TTLL9: variants seen among roughly 807,000 people sequenced by gnomAD.
TTLL9 encodes probable tubulin polyglutamylase TTLL9.
TTLL9 carries 47 observed loss-of-function variants against 65.6 expected under a neutral mutation model. The observed-to-expected ratio is 0.72, with a 90% CI of 0.57 to 0.91. The LOEUF (loss-of-function observed/expected upper bound fraction) is 0.91. Ranked by LOEUF, TTLL9 falls within the 40% of genes least tolerant of loss-of-function variation. The pLI is 0.00. For synonymous variants in TTLL9, 179 were observed against 204.8 expected, an observed-to-expected ratio of 0.87 and a Z score of 1.07; for missense variants, 537 against 568.8, an observed-to-expected ratio of 0.94 and a Z score of 0.57.
At chr20:31,883,894 A>C (rs1356731965) in intron 2 of TTLL9, 4 of 407,774 alleles carry the variant, frequency 9.8e-6, no homozygotes, top group Non-Finnish European at 1.3e-5. Context: ...TAAGGATGTC[A>C]GCTCTTACCA....
At chr20:31,925,984 AC>A (rs757901584) in intron 9 of TTLL9, 64 bp from the exon 10 acceptor site, 3 of 1,601,398 alleles carry the variant, frequency 1.9e-6, no homozygotes, top group Non-Finnish European at 2.6e-6. Context: ...CTGGCTAACC[AC>A]CCCCGACACA....
intron 10 of TTLL9, among the ~76,000 whole-genome samples, chr20:31,931,004 G>A (rs1038993864): frequency 5.9e-5 from 9 of 151,528 alleles, no homozygotes; most frequent in African/African-American, 1.2e-4. Context: ...TCTGGGAGTC[G>A]TACTTCCTTC....
chr20:31,922,240 G>A (rs928223081), intron 7 of TTLL9, among the ~76,000 whole-genome samples: 1 of 151,476 alleles, frequency 6.6e-6, no homozygotes, highest in Non-Finnish European at 1.5e-5. Flanking sequence ...ACTCCAGCCT[G>A]GACAACAGAG....
In TTLL9 at chr20:31,873,793, AAAGGAAGG is replaced by A. The variant is rs869090935; in HGVS notation, c.69+2622_69+2629del. On this transcript the variant is annotated intron_variant, in intron 2 of 14. Coordinates refer to ENST00000535842, the MANE Select transcript of TTLL9 (RefSeq NM_001008409.5). ...GAGAAAGAAAGAAAGAAAAAGAAAGAAAGGAAGGAAGGAAGGAAGGAAGGAAGGAAGAA... is the reference window on the plus strand; with the variant it reads ...GAGAAAGAAAGAAAGAAAAAGAAAGAAAGGAAGGAAGGAAGGAAGGAAGAA... Among the ~76,000 whole-genome samples, 511 of 127,584 alleles carry A rather than the reference AAAGGAAGG, an allele frequency of 4.0e-3. 7 individuals are homozygous for A. The highest frequency in any genetic ancestry group is 6.4e-3 in the African/African-American group (214 of 33,200). The allele number at this position is 127,584 out of a possible 152,430, so 83.7% of individuals were successfully genotyped here.
chr20:31,940,969 A>C (rs1027972947), intron 14 of TTLL9: 1 of 152,156 alleles, frequency 6.6e-6, no homozygotes, highest in Non-Finnish European at 1.5e-5. Context: ...TGTAATCCCA[A>C]CACTTTGGGA....
intron 3 of TTLL9, among the ~76,000 whole-genome samples, chr20:31,896,541 GT>G (rs924836457): frequency 1.3e-5 from 2 of 151,330 alleles, no homozygotes; most frequent in African/African-American, 4.9e-5. Flanking sequence ...TGTTGTTTTG[GT>G]TTTTTTTGAG....
intron 2 of TTLL9, 80 bp from the exon 3 acceptor site, chr20:31,887,116 T>C: frequency 6.9e-7 from 1 of 1,457,384 alleles, no homozygotes; most frequent in Non-Finnish European, 9.6e-7. Context: ...TTGGGCATTT[T>C]AATATCTGCA....
At chr20:31,927,283 A>G (rs1389667619) in intron 10 of TTLL9, among the ~76,000 whole-genome samples, 1 of 152,028 alleles carries the variant, frequency 6.6e-6, no homozygotes, top group Non-Finnish European at 1.5e-5. Flanking sequence ...AGAGTTGGAG[A>G]CCAGCCTGAC....
intron 4 of TTLL9, 40 bp downstream of exon 4, chr20:31,898,605 T>C (rs987301844): frequency 4.5e-6 from 7 of 1,571,512 alleles, no homozygotes; most frequent in South Asian, 1.1e-5. Context: ...CTTCCCTTTG[T>C]CTCACAGGTC....
intron 8 of TTLL9, 107 bp downstream of exon 8, chr20:31,923,160 TGAA>T: frequency 1.2e-6 from 1 of 832,100 alleles, no homozygotes; most frequent in Non-Finnish European, 2.1e-6. Flanking sequence ...ACACCAGGCA[TGAA>T]GGGATGCATG....
At chr20:31,886,019 G>A (rs55899860) in intron 2 of TTLL9, among the ~76,000 whole-genome samples, 13,260 of 152,250 alleles carry the variant, frequency 0.087, 779 homozygotes, top group African/African-American at 0.16. Context: ...AGGGACCTCC[G>A]TCCTACAACC....
At chr20:31,918,160 G>A (rs1347889082) in intron 6 of TTLL9, among the ~76,000 whole-genome samples, 4 of 152,040 alleles carry the variant, frequency 2.6e-5, no homozygotes, top group East Asian at 1.9e-4. Flanking sequence ...CTCTGTGCCC[G>A]AGCTGTCTTA....
In TTLL9 at chr20:31,870,966, G is replaced by GA; in HGVS notation, c.-6+18dup. ...ACGGGATAAGTGGGTAATTCCTTCC[G>GA]ATACATCCTCTCCACCCGTGCAGAG... is the stretch of plus-strand genomic sequence containing the variant. On this transcript the variant is annotated intron_variant, in intron 1 of 14. Coordinates refer to ENST00000535842, the MANE Select transcript of TTLL9 (RefSeq NM_001008409.5). The surrounding 1 kb of genome is among the most constrained non-coding windows in gnomAD (Gnocchi z 6.6). 1 of 725,190 alleles carries GA rather than the reference G, an allele frequency of 1.4e-6. No individual in the cohort carries two copies. The highest frequency in any genetic ancestry group is 2.5e-6 in the Non-Finnish European group (1 of 401,380). The allele number at this position is 725,190 out of a possible 1,614,324, so 44.9% of individuals were successfully genotyped here.
intron 13 of TTLL9, among the ~76,000 whole-genome samples, chr20:31,937,894 T>C (rs912949385): frequency 6.6e-6 from 1 of 151,946 alleles, no homozygotes; most frequent in African/African-American, 2.4e-5. Flanking sequence ...ATCTAGTGCT[T>C]AGCTAACAGT....
chr20:31,905,966 G>A (rs2063550292), intron 4 of TTLL9, among the ~76,000 whole-genome samples: 1 of 150,038 alleles, frequency 6.7e-6, no homozygotes, highest in Admixed American at 6.7e-5. Context: ...CCGAGAGGCG[G>A]AGGTTGCGGT....
At chr20:31,917,161 C>T (rs1334650202) in intron 6 of TTLL9, among the ~76,000 whole-genome samples, 1 of 152,180 alleles carries the variant, frequency 6.6e-6, no homozygotes, top group Non-Finnish European at 1.5e-5. Context: ...TGAATCCACT[C>T]AAATAATCAG....
intron 2 of TTLL9, among the ~76,000 whole-genome samples, chr20:31,885,376 A>G (rs1242194521): frequency 6.6e-6 from 1 of 152,014 alleles, no homozygotes; most frequent in Non-Finnish European, 1.5e-5. Flanking sequence ...CTCGAGATAG[A>G]TCCACGTATG....
chr20:31,909,449 T>A (rs886232681), intron 5 of TTLL9, among the ~76,000 whole-genome samples: 1 of 152,062 alleles, frequency 6.6e-6, no homozygotes, highest in Non-Finnish European at 1.5e-5. Context: ...GCCAAAAGCA[T>A]GAATTTTGGA....
chr20:31,896,833 G>T (rs6061022), intron 3 of TTLL9, among the ~76,000 whole-genome samples: 59,326 of 152,084 alleles, frequency 0.39, 12,970 homozygotes, highest in African/African-American at 0.57. Flanking sequence ...CCTGGCTCAT[G>T]GATTAATTTT....
Sources: gnomAD v4.1 joint callset for allele counts (sites outside exome capture counted in the v4.1 genomes callset) on GRCh38, gnomAD v4.1.1 for gene constraint, Gnocchi (gnomAD v3.1) non-coding constraint, MANE v1.5 for transcripts, NCBI Gene and HGNC (gene_info 2026-07-23, HGNC 2026-07-21) for gene names.